TAMM41: variants seen among roughly 807,000 people sequenced by gnomAD.
TAMM41 encodes the protein TAM41 mitochondrial translocator assembly and maintenance homolog.
In TAMM41, 36 loss-of-function variants were observed where a neutral mutation model predicts 44.1. The observed-to-expected ratio is 0.82, with a 90% CI of 0.63 to 1.08. TAMM41 has a LOEUF of 1.08. TAMM41 is among the 50% of genes least tolerant of loss of function. The pLI, the probability that TAMM41 is intolerant of heterozygous loss-of-function variation, is 0.00. For missense variants in TAMM41, 417 were observed against 404.3 expected, an observed-to-expected ratio of 1.03 and a Z score of -0.27; for synonymous variants, 164 against 153.1, an observed-to-expected ratio of 1.07 and a Z score of -0.53.
the TAMM41 span, among the ~76,000 whole-genome samples, chr3:11,739,413 T>C: frequency 6.6e-6 from 1 of 152,196 alleles, no homozygotes; most frequent in African/African-American, 2.4e-5. Flanking sequence ...CAGAAGCTGA[T>C]GGCTCCAGCT....
the TAMM41 span, among the ~76,000 whole-genome samples, chr3:11,781,225 G>C: frequency 6.6e-6 from 1 of 152,144 alleles, no homozygotes; most frequent in African/African-American, 2.4e-5. Flanking sequence ...TGTCACAGTA[G>C]GACAGTTATA....
intron 5 of TAMM41, among the ~76,000 whole-genome samples, chr3:11,813,321 G>C (rs2078149458): frequency 6.6e-6 from 1 of 152,154 alleles, no homozygotes; most frequent in Admixed American, 6.5e-5. Context: ...CTTGAGGTCA[G>C]GAGTTCAAGA....
intron 3 of TAMM41, chr3:11,833,071 C>A: frequency 1.6e-6 from 2 of 1,245,898 alleles, no homozygotes; most frequent in Non-Finnish European, 2.1e-6. Flanking sequence ...GAAAGGTGAA[C>A]TAGGAACTTG....
chr3:11,744,578 G>A, the TAMM41 span, among the ~76,000 whole-genome samples: 25 of 151,862 alleles, frequency 1.6e-4, no homozygotes, highest in African/African-American at 4.8e-4. Flanking sequence ...ACCTGTAACC[G>A]CAGCTACTCA....
chr3:11,829,428 G>T (rs1346371846), intron 4 of TAMM41, among the ~76,000 whole-genome samples: 2 of 152,280 alleles, frequency 1.3e-5, no homozygotes, highest in East Asian at 3.9e-4. Context: ...AGGGCATAGG[G>T]AGTTTTCTGT....
At chr3:11,833,742 G>A (rs764746596) in intron 3 of TAMM41, among the ~76,000 whole-genome samples, 3 of 152,188 alleles carry the variant, frequency 2.0e-5, no homozygotes, top group Non-Finnish European at 2.9e-5. Context: ...TTATAGTAGG[G>A]CAGAGCCAAA....
the TAMM41 span, among the ~76,000 whole-genome samples, chr3:11,762,956 T>G: frequency 6.6e-6 from 1 of 152,142 alleles, no homozygotes; most frequent in Non-Finnish European, 1.5e-5. Flanking sequence ...GGGAATCACT[T>G]GAACCCAGAA....
At chr3:11,727,801 T>G in the TAMM41 span, among the ~76,000 whole-genome samples, 1 of 150,746 alleles carries the variant, frequency 6.6e-6, no homozygotes, top group East Asian at 2.0e-4. Flanking sequence ...TTTTTTTTTT[T>G]TTTGAGACAG....
chr3:11,828,086 G>C (rs945809925), intron 4 of TAMM41, among the ~76,000 whole-genome samples: 1 of 152,208 alleles, frequency 6.6e-6, no homozygotes, highest in African/African-American at 2.4e-5. Flanking sequence ...GGAGATTTGG[G>C]TGGTTTGCCA....
the TAMM41 span, among the ~76,000 whole-genome samples, chr3:11,737,643 T>C: frequency 2.6e-5 from 4 of 152,194 alleles, no homozygotes; most frequent in Non-Finnish European, 4.4e-5. Flanking sequence ...TTTGTTATCA[T>C]GTAACTCAAA....
At chr3:11,789,201 G>C (rs2077435300), downstream of TAMM41, among the ~76,000 whole-genome samples, 1 of 152,228 alleles carries the variant, frequency 6.6e-6, no homozygotes, top group East Asian at 1.9e-4. Context: ...CTGGTCAGTA[G>C]TGGCGATGAG....
intron 3 of TAMM41, among the ~76,000 whole-genome samples, chr3:11,831,657 T>C (rs905947900): frequency 1.3e-5 from 2 of 152,164 alleles, no homozygotes; most frequent in Non-Finnish European, 2.9e-5. Context: ...AAATAAATAT[T>C]AGAAAGCAAG....
At chr3:11,732,606 A>G in the TAMM41 span, among the ~76,000 whole-genome samples, 1 of 152,354 alleles carries the variant, frequency 6.6e-6, no homozygotes, top group African/African-American at 2.4e-5. Flanking sequence ...AATAAAACAG[A>G]GCAATGAAAT....
At chr3:11,842,284 C>T (rs767206157) in intron 2 of TAMM41, among the ~76,000 whole-genome samples, 1 of 151,588 alleles carries the variant, frequency 6.6e-6, no homozygotes, top group Non-Finnish European at 1.5e-5. Flanking sequence ...ATCCCAGCTA[C>T]TCGGGAGGCT....
At chr3:11,804,500 G>C (rs2077843637) in intron 7 of TAMM41, among the ~76,000 whole-genome samples, 1 of 152,088 alleles carries the variant, frequency 6.6e-6, no homozygotes, top group Admixed American at 6.5e-5. Flanking sequence ...TTTTTAAAAA[G>C]CTCCATAACA....
intron 7 of TAMM41, 78 bp from the exon 8 acceptor site, chr3:11,790,659 CA>C: frequency 1.5e-6 from 2 of 1,323,490 alleles, no homozygotes; most frequent in African/African-American, 1.5e-5. Flanking sequence ...ACATTCTGAG[CA>C]GACTTGTCTT....
chr3:11,759,567 A>C, the TAMM41 span, among the ~76,000 whole-genome samples: 8 of 105,614 alleles, frequency 7.6e-5, no homozygotes, highest in South Asian at 2.6e-3. Context: ...ATGGGAATGC[A>C]TACGGAAAGC....
At chr3:11,733,094 G>A in the TAMM41 span, among the ~76,000 whole-genome samples, 2 of 151,056 alleles carry the variant, frequency 1.3e-5, no homozygotes, top group Admixed American at 6.6e-5. Context: ...CACCTCCTGG[G>A]TTCAGGCATT....
At chr3:11,775,964 CT>C in the TAMM41 span, among the ~76,000 whole-genome samples, 1 of 150,874 alleles carries the variant, frequency 6.6e-6, no homozygotes, top group South Asian at 2.1e-4. Flanking sequence ...AAATGTTTTT[CT>C]TTTGGTTGGT....
Sources: gnomAD v4.1 joint callset for allele counts (sites outside exome capture counted in the v4.1 genomes callset) on GRCh38, gnomAD v4.1.1 for gene constraint, MANE v1.5 for transcripts, NCBI Gene and HGNC (gene_info 2026-07-23, HGNC 2026-07-21) for gene names.